DNAI1: variants seen among roughly 807,000 people sequenced by gnomAD.
The protein encoded by DNAI1 is dynein, axonemal, intermediate polypeptide 1.
DNAI1 carries 67 observed loss-of-function variants against 92.0 expected under a neutral mutation model. That is an observed-to-expected ratio of 0.73 (90% CI 0.60 to 0.89). The LOEUF is 0.89. DNAI1 is among the 40% of genes least tolerant of loss of function. DNAI1 has a pLI of 0.00. For missense variants in DNAI1, 839 were observed against 866.6 expected, an observed-to-expected ratio of 0.97 and a Z score of 0.40; for synonymous variants, 323 against 319.6, an observed-to-expected ratio of 1.01 and a Z score of -0.11.
intron 14 of DNAI1, 51 bp downstream of exon 14, chr9:34,512,249 G>T (rs1447903255): frequency 6.2e-7 from 1 of 1,611,692 alleles, no homozygotes; most frequent in African/African-American, 1.3e-5. Flanking sequence ...GAGGCAGGGA[G>T]CTAAATGGCA....
intron 2 of DNAI1, 132 bp downstream of exon 2, chr9:34,483,612 C>A: frequency 1.3e-6 from 1 of 798,310 alleles, no homozygotes. Flanking sequence ...CTTAAACCTA[C>A]CACCTTATAA....
At chr9:34,483,351 T>C in intron 1 of DNAI1, 97 bp from the exon 2 acceptor site, 1 of 1,247,602 alleles carries the variant, frequency 8.0e-7, no homozygotes, top group Non-Finnish European at 1.1e-6. Flanking sequence ...ACTTTGACTG[T>C]GAGATCCCTG....
At chr9:34,472,807 C>G (rs1224328250) in intron 1 of DNAI1, among the ~76,000 whole-genome samples, 1 of 151,738 alleles carries the variant, frequency 6.6e-6, no homozygotes, top group Non-Finnish European at 1.5e-5. Flanking sequence ...GAGGGTGAAG[C>G]AGGAGGATCC....
intron 1 of DNAI1, among the ~76,000 whole-genome samples, chr9:34,480,196 CAT>C (rs532779881): frequency 6.6e-6 from 1 of 151,646 alleles, no homozygotes; most frequent in Non-Finnish European, 1.5e-5. Context: ...CCAGTCCCCT[CAT>C]ATGCTTGATC....
chr9:34,496,201 T>C (rs1824722762), intron 9 of DNAI1, among the ~76,000 whole-genome samples: 1 of 152,228 alleles, frequency 6.6e-6, no homozygotes, highest in Non-Finnish European at 1.5e-5. Context: ...CACCGGGTTC[T>C]AATTTTGGTG....
chr9:34,479,778 G>C (rs573658761), intron 1 of DNAI1, among the ~76,000 whole-genome samples: 3 of 152,254 alleles, frequency 2.0e-5, no homozygotes, highest in South Asian at 4.1e-4. Context: ...CCCATCATTG[G>C]AAACCTTGGC....
rs116002780 is a variant in DNAI1, at chr9:34,477,368, C to T, written c.49-6080C>T. Reference sequence around the variant, plus strand: ...ACTTTGGGTCAGTTGCTTGATGTCTCTATACCTCAGTTTTCTCATTTGTAA... The same window carrying T: ...ACTTTGGGTCAGTTGCTTGATGTCTTTATACCTCAGTTTTCTCATTTGTAA... On this transcript the variant is annotated intron_variant, in intron 1 of 19. Coordinates refer to ENST00000242317, the MANE Select transcript of DNAI1 (RefSeq NM_012144.4). 6.5e-3 allele frequency among the ~76,000 whole-genome samples: 988 copies of T among 152,240 alleles called. 14 individuals carry two copies. Among genetic ancestry groups the T allele is most frequent in the African/African-American group, 0.022 (902 of 41,520 alleles).
intron 4 of DNAI1, among the ~76,000 whole-genome samples, chr9:34,486,060 G>C (rs947259774): frequency 3.3e-5 from 5 of 152,148 alleles, no homozygotes; most frequent in Non-Finnish European, 7.3e-5. Flanking sequence ...GTTCTGACCT[G>C]ATAGACACAT....
intron 9 of DNAI1, among the ~76,000 whole-genome samples, chr9:34,493,956 G>A (rs79378155): frequency 0.011 from 1,655 of 152,252 alleles, 32 homozygotes; most frequent in African/African-American, 0.038. Flanking sequence ...GGGAGTCACA[G>A]TGATGCAACT....
At chr9:34,493,689 C>T (rs962563278) in intron 9 of DNAI1, among the ~76,000 whole-genome samples, 6 of 152,118 alleles carry the variant, frequency 3.9e-5, no homozygotes, top group South Asian at 2.1e-4. Context: ...CCCTCGGCAA[C>T]GGCTTATAGG....
At chr9:34,489,274 T>C in intron 4 of DNAI1, 49 bp from the exon 5 acceptor site, 1 of 1,609,840 alleles carries the variant, frequency 6.2e-7, no homozygotes, top group Non-Finnish European at 8.5e-7. Context: ...ACATTTTGAC[T>C]CCAGCTCTTT....
At chr9:34,475,388 A>C (rs1457400652) in intron 1 of DNAI1, among the ~76,000 whole-genome samples, 2 of 152,200 alleles carry the variant, frequency 1.3e-5, no homozygotes, top group African/African-American at 4.8e-5. Context: ...AGGAACAATC[A>C]TGTTTCAGCA....
chr9:34,474,280 G>A (rs546994232), intron 1 of DNAI1, among the ~76,000 whole-genome samples: 27 of 151,512 alleles, frequency 1.8e-4, no homozygotes, highest in Non-Finnish European at 3.8e-4. Context: ...TGTCACCCAG[G>A]CTGGAATGCA....
In DNAI1 at chr9:34,512,422, T is replaced by A. The variant is rs748133557; in HGVS notation, c.1487T>A (p.Val496Glu). 1 of 1,613,964 alleles carries A rather than the reference T, an allele frequency of 6.2e-7. No homozygotes were observed. Among genetic ancestry groups the A allele is most frequent in the Non-Finnish European group, 8.5e-7 (1 of 1,179,982 alleles). Reference protein sequence around the residue: ...EVPEGLQLHPVGCGTAFDFHK... With the variant: ...EVPEGLQLHPEGCGTAFDFHK... ...CCTGAGGGGTTGCAGCTGCACCCAG[T>A]GGGTAGGAGCCCCAGCCCTCTCACC... Residue 496 changes from valine to glutamate, a missense_variant and splice_region_variant, in exon 15 of 20, where the codon GTG (valine) becomes GAG (glutamate). Physicochemically the swap from Val to Glu is moderately radical, Grantham distance 121. Coordinates refer to ENST00000242317, the MANE Select transcript of DNAI1 (RefSeq NM_012144.4).
At chr9:34,512,520 C>T in intron 15 of DNAI1, 96 bp downstream of exon 15, 8 of 1,188,730 alleles carry the variant, frequency 6.7e-6, no homozygotes, top group Non-Finnish European at 9.8e-6. Context: ...TGAGTGCTCC[C>T]TCCCCAACCT....
chr9:34,519,696 C>T (rs1467007012), intron 19 of DNAI1, among the ~76,000 whole-genome samples: 1 of 152,180 alleles, frequency 6.6e-6, no homozygotes, highest in Non-Finnish European at 1.5e-5. Context: ...TGGCCCTGCA[C>T]TCACCCCTCC....
chr9:34,502,143 C>T (rs1422489398), intron 12 of DNAI1, among the ~76,000 whole-genome samples: 6 of 152,212 alleles, frequency 3.9e-5, no homozygotes, highest in Admixed American at 3.9e-4. Flanking sequence ...GCCTGTCCAC[C>T]CATTCTTTGA....
At chr9:34,486,489 A>G (rs565596078) in intron 4 of DNAI1, among the ~76,000 whole-genome samples, 3 of 152,258 alleles carry the variant, frequency 2.0e-5, no homozygotes, top group Non-Finnish European at 4.4e-5. Flanking sequence ...TTGAAAATAT[A>G]ATAGAAACCT....
intron 1 of DNAI1, 109 bp downstream of exon 1, chr9:34,459,162 C>G: frequency 7.5e-6 from 8 of 1,067,326 alleles, no homozygotes; most frequent in Non-Finnish European, 1.1e-5. Flanking sequence ...TTGACCCCAG[C>G]CTTCTCACCC....
Sources: allele counts gnomAD v4.1 joint callset (sites outside exome capture counted in the v4.1 genomes callset), GRCh38; gene constraint gnomAD v4.1.1; transcripts MANE v1.5; gene names NCBI Gene and HGNC (gene_info 2026-07-23, HGNC 2026-07-21).